TMCO5A: variants seen among roughly 807,000 people sequenced by gnomAD.
The protein encoded by TMCO5A is transmembrane and coiled-coil domains 5A.
In TMCO5A, 34 loss-of-function variants were observed where a neutral mutation model predicts 42.3. The observed-to-expected ratio is 0.80, with a 90% CI of 0.61 to 1.07. The LOEUF (loss-of-function observed/expected upper bound fraction) is 1.07, where lower values mean the gene tolerates loss of function less well. TMCO5A is among the 50% of genes least tolerant of loss of function. TMCO5A has a pLI of 0.00. For missense variants in TMCO5A, 357 were observed against 327.9 expected (o/e 1.09, Z -0.69); for synonymous variants, 131 against 115.6 (o/e 1.13, Z -0.86).
chr15:38,039,539 C>T, the TMCO5A span, among the ~76,000 whole-genome samples: 1 of 152,164 alleles, frequency 6.6e-6, no homozygotes, highest in Non-Finnish European at 1.5e-5. Context: ...ATGAGTCAAG[C>T]AGACAGAGTG....
intron 11 of TMCO5A, among the ~76,000 whole-genome samples, chr15:37,949,868 G>A (rs2140285791): frequency 6.6e-6 from 1 of 152,266 alleles, no homozygotes; most frequent in South Asian, 2.1e-4. Context: ...TATCTGTCAG[G>A]AAGTTGCAGT....
intron 11 of TMCO5A, among the ~76,000 whole-genome samples, chr15:37,963,858 A>G (rs1389066353): frequency 1.3e-5 from 2 of 152,168 alleles, no homozygotes; most frequent in Admixed American, 6.6e-5. Flanking sequence ...TTTGTCTGAT[A>G]TAAGAATAGC....
At chr15:38,031,612 C>T in the TMCO5A span, among the ~76,000 whole-genome samples, 2 of 152,116 alleles carry the variant, frequency 1.3e-5, no homozygotes, top group African/African-American at 4.8e-5. Flanking sequence ...AGTCATACAC[C>T]GGCACCTTTG....
At chr15:37,991,496 C>A in the TMCO5A span, among the ~76,000 whole-genome samples, 1 of 152,066 alleles carries the variant, frequency 6.6e-6, no homozygotes, top group Admixed American at 6.6e-5. Context: ...TGTCTTTTAT[C>A]AAATTTGGAA....
intron 4 of TMCO5A, 127 bp from the exon 5 acceptor site, chr15:37,937,219 A>T: frequency 8.4e-7 from 1 of 1,187,430 alleles, no homozygotes; most frequent in Non-Finnish European, 1.2e-6. Flanking sequence ...CAATATACAC[A>T]TGACATTATG....
chr15:38,001,019 G>A, the TMCO5A span, among the ~76,000 whole-genome samples: 3 of 152,064 alleles, frequency 2.0e-5, no homozygotes, highest in Non-Finnish European at 4.4e-5. Flanking sequence ...GGTGCACTTG[G>A]TCTATAGTGC....
intron 11 of TMCO5A, 53 bp downstream of exon 11, chr15:37,947,749 G>T: frequency 8.1e-7 from 1 of 1,237,548 alleles, no homozygotes; most frequent in South Asian, 1.3e-5. Flanking sequence ...GCCCTATTTA[G>T]CTATTCGGGC....
chr15:38,009,757 C>T, the TMCO5A span, among the ~76,000 whole-genome samples: 13 of 152,210 alleles, frequency 8.5e-5, no homozygotes, highest in African/African-American at 3.1e-4. Context: ...AGTCAAGTCA[C>T]TCAAGCTCTC....
At chr15:37,972,901 T>C in the TMCO5A span, among the ~76,000 whole-genome samples, 4 of 152,212 alleles carry the variant, frequency 2.6e-5, no homozygotes, top group East Asian at 3.8e-4. Context: ...TGGGTTTTTA[T>C]AGTTGTAGGT....
chr15:38,010,445 A>T, the TMCO5A span, among the ~76,000 whole-genome samples: 3 of 150,070 alleles, frequency 2.0e-5, 1 homozygote, highest in African/African-American at 7.3e-5. Context: ...ACACACACAC[A>T]CACACACACA....
chr15:38,004,260 T>C, the TMCO5A span, among the ~76,000 whole-genome samples: 2 of 152,024 alleles, frequency 1.3e-5, no homozygotes, highest in Non-Finnish European at 1.5e-5. Context: ...CATTCTACTA[T>C]GGCTGAGTGG....
At chr15:37,949,033 G>T (rs1890063420) in intron 11 of TMCO5A, among the ~76,000 whole-genome samples, 1 of 151,842 alleles carries the variant, frequency 6.6e-6, no homozygotes, top group South Asian at 2.1e-4. Flanking sequence ...TTTGTCCTGG[G>T]GCAGAGGCAT....
chr15:38,034,153 A>C, the TMCO5A span, among the ~76,000 whole-genome samples: 1 of 152,160 alleles, frequency 6.6e-6, no homozygotes, highest in South Asian at 2.1e-4. Context: ...AAGGGCAAAA[A>C]GGGCCTGTCT....
At chr15:38,036,143 A>G in the TMCO5A span, among the ~76,000 whole-genome samples, 1 of 152,154 alleles carries the variant, frequency 6.6e-6, no homozygotes, top group Admixed American at 6.5e-5. Context: ...CTTCCACTGC[A>G]TTCCCCTCCA....
the TMCO5A span, among the ~76,000 whole-genome samples, chr15:38,000,917 C>T: frequency 6.6e-6 from 1 of 152,076 alleles, no homozygotes; most frequent in Admixed American, 6.5e-5. Context: ...TGTGGCCTAA[C>T]ATATGGCCTA....
the TMCO5A span, among the ~76,000 whole-genome samples, chr15:38,009,064 T>G: frequency 6.6e-6 from 1 of 152,176 alleles, no homozygotes; most frequent in Admixed American, 6.5e-5. Flanking sequence ...TGATCTGAAT[T>G]TTTAGACTAC....
At chr15:37,965,814 A>G (rs1890541603) in intron 11 of TMCO5A, among the ~76,000 whole-genome samples, 1 of 152,228 alleles carries the variant, frequency 6.6e-6, no homozygotes, top group African/African-American at 2.4e-5. Context: ...TGGGAATGTA[A>G]GTTAGTACAA....
At chr15:38,034,471 T>C in the TMCO5A span, among the ~76,000 whole-genome samples, 1 of 152,200 alleles carries the variant, frequency 6.6e-6, no homozygotes, top group Non-Finnish European at 1.5e-5. Context: ...TGCTGCATTA[T>C]GGATTAACTT....
chr15:38,032,924 CTCTT>C, the TMCO5A span, among the ~76,000 whole-genome samples: 2 of 126,042 alleles, frequency 1.6e-5, no homozygotes, highest in South Asian at 2.5e-4. Flanking sequence ...GAAATTTGGT[CTCTT>C]TTTTTTTTTT....
Sources: allele counts gnomAD v4.1 joint callset (sites outside exome capture counted in the v4.1 genomes callset), GRCh38; gene constraint gnomAD v4.1.1; transcripts MANE v1.5; gene names NCBI Gene and HGNC (gene_info 2026-07-23, HGNC 2026-07-21).